Variants in EPHA6 observed in about 807,000 individuals in gnomAD.
The protein encoded by EPHA6 is EPH receptor A6.
In EPHA6, 50 loss-of-function variants were observed where a neutral mutation model predicts 112.0. The ratio of observed to expected loss-of-function variants is 0.45; its 90% CI spans 0.36 to 0.56. EPHA6 has a LOEUF of 0.56. EPHA6 is among the 20% of genes least tolerant of loss of function. The pLI, the probability that EPHA6 is intolerant of heterozygous loss-of-function variation, is 0.00. For missense variants in EPHA6, 1,280 were observed against 1,417.4 expected (o/e 0.90, Z 1.56); for synonymous variants, 529 against 490.7 (o/e 1.08, Z -1.03).
rs374566449 is a variant in EPHA6, at chr3:97,244,188, G to A, written c.1507G>A (p.Val503Met). The A allele has an allele frequency of 2.2e-5, 35 of 1,613,152 alleles. No homozygotes were observed. Among genetic ancestry groups the A allele is most frequent in the Middle Eastern group, 1.7e-4 (1 of 6,060 alleles). ...GATAGTACTTGACTTTGTGTCTCAC[G>A]TGAATTACACCTTTGAAATAGAAGC... ...SVIVLDFVSH[V>M]NYTFEIEAMN... is the part of the protein sequence containing the mutation. The change falls in exon 5 of 18, where the codon GTG becomes ATG. Residue 503 changes from valine (V) to methionine (M), a missense_variant. By Grantham distance (21) the Val-to-Met change is conservative. Around this residue, in one of 4 missense-constraint regions of EPHA6, gnomAD observed 878 missense variants for 999.7 expected, o/e 0.88. Coordinates refer to ENST00000389672, the MANE Select transcript of EPHA6 (RefSeq NM_001080448.3).
intron 10 of EPHA6, among the ~76,000 whole-genome samples, chr3:97,509,581 G>T (rs1163810017): frequency 6.6e-6 from 1 of 152,108 alleles, no homozygotes; most frequent in Admixed American, 6.5e-5. Flanking sequence ...GCTTCCCTTT[G>T]TGGGTAGCCC....
chr3:97,309,242 A>G (rs1329943210), intron 5 of EPHA6, among the ~76,000 whole-genome samples: 1 of 151,646 alleles, frequency 6.6e-6, no homozygotes, highest in African/African-American at 2.4e-5. Context: ...AATAACATTT[A>G]AAGTTATTTT....
At chr3:97,641,872 C>A (rs1294846833) in intron 14 of EPHA6, among the ~76,000 whole-genome samples, 1 of 151,834 alleles carries the variant, frequency 6.6e-6, no homozygotes, top group South Asian at 2.1e-4. Context: ...GAGGGGCGCC[C>A]GCCATTGCCC....
intron 1 of EPHA6, among the ~76,000 whole-genome samples, chr3:96,860,283 A>T (rs955504175): frequency 6.6e-6 from 1 of 152,114 alleles, no homozygotes. Flanking sequence ...AAGAAAAAAG[A>T]CTAAACTTTC....
At chr3:97,733,246 C>G (rs1440519098) in intron 15 of EPHA6, among the ~76,000 whole-genome samples, 2 of 152,026 alleles carry the variant, frequency 1.3e-5, no homozygotes, top group Non-Finnish European at 2.9e-5. Context: ...GAGGCAGAAG[C>G]CACAAGTCTT....
chr3:97,042,630 G>A (rs966995830), intron 3 of EPHA6, among the ~76,000 whole-genome samples: 6 of 151,926 alleles, frequency 3.9e-5, no homozygotes, highest in Non-Finnish European at 7.4e-5. Context: ...CTCGGTGCTC[G>A]CCTCCCTGTA....
At chr3:97,322,558 A>AT (rs893236820) in intron 5 of EPHA6, among the ~76,000 whole-genome samples, 1 of 152,042 alleles carries the variant, frequency 6.6e-6, no homozygotes, top group Non-Finnish European at 1.5e-5. Context: ...GCAATAATTG[A>AT]TTTTAAAGGA....
intron 5 of EPHA6, among the ~76,000 whole-genome samples, chr3:97,299,038 A>G (rs2080985702): frequency 6.6e-6 from 1 of 152,192 alleles, no homozygotes; most frequent in South Asian, 2.1e-4. Flanking sequence ...TTTTTAAAAC[A>G]CTGCCAGTTG....
At chr3:97,054,306 C>T (rs1449209452) in intron 3 of EPHA6, among the ~76,000 whole-genome samples, 1 of 152,020 alleles carries the variant, frequency 6.6e-6, no homozygotes, top group Non-Finnish European at 1.5e-5. Context: ...AAATAGGTTT[C>T]ATATTTGCTC....
At chr3:97,641,922 C>A (rs1378414195) in intron 14 of EPHA6, among the ~76,000 whole-genome samples, 10 of 151,022 alleles carry the variant, frequency 6.6e-5, no homozygotes, top group Non-Finnish European at 1.3e-4. Context: ...GAAGCTCGAA[C>A]TGGGTGGAGC....
chr3:97,437,115 A>G (rs890400511), intron 6 of EPHA6, among the ~76,000 whole-genome samples: 2 of 151,764 alleles, frequency 1.3e-5, no homozygotes, highest in Admixed American at 1.3e-4. Flanking sequence ...GTGGCCCAAG[A>G]CAGTTCTTCT....
chr3:97,747,504 G>T lies in EPHA6; in HGVS notation c.3210G>T (p.Gly1070=). 6.2e-7 allele frequency: 1 copy of T among 1,610,448 alleles called. No individual in the cohort carries two copies. The highest frequency in any genetic ancestry group is 1.7e-5 in the Admixed American group (1 of 59,626). ...ACTGGCTAGATTCTATAAAGATGGGGCAATACAAGAATAACTTCGTGGCAG... is the reference window on the plus strand; with the variant it reads ...ACTGGCTAGATTCTATAAAGATGGGTCAATACAAGAATAACTTCGTGGCAG... ...VGDWLDSIKM[G]QYKNNFVAAG... Residue 1070 remains glycine (G), a synonymous_variant, in exon 17 of 18, where the codon GGG becomes GGT. Transcript: ENST00000389672.
chr3:96,940,160 G>A (rs538672004), intron 2 of EPHA6, among the ~76,000 whole-genome samples: 30 of 152,228 alleles, frequency 2.0e-4, no homozygotes, highest in African/African-American at 6.7e-4. Context: ...GGGTATCCTT[G>A]TTTACTTTCT....
chr3:96,969,276 G>C (rs546358412), intron 2 of EPHA6, among the ~76,000 whole-genome samples: 1 of 151,830 alleles, frequency 6.6e-6, no homozygotes, highest in Non-Finnish European at 1.5e-5. Context: ...ATAACCAATT[G>C]TAATTTTATT....
chr3:97,645,342 A>T (rs177335), intron 14 of EPHA6, among the ~76,000 whole-genome samples: 1 of 146,420 alleles, frequency 6.8e-6, no homozygotes, highest in Non-Finnish European at 1.5e-5. Flanking sequence ...GCCATAAAAA[A>T]TGATGAGTTC....
intron 14 of EPHA6, among the ~76,000 whole-genome samples, chr3:97,687,435 T>A (rs1053581737): frequency 2.0e-5 from 3 of 152,184 alleles, no homozygotes; most frequent in Non-Finnish European, 4.4e-5. Flanking sequence ...AAGTTCAAAC[T>A]GGAAGCAAGG....
chr3:97,379,765 A>G (rs2085614860), intron 5 of EPHA6, among the ~76,000 whole-genome samples: 1 of 151,108 alleles, frequency 6.6e-6, no homozygotes, highest in African/African-American at 2.4e-5. Context: ...AAAAAAAAAA[A>G]AAAAAAAAAA....
intron 3 of EPHA6, among the ~76,000 whole-genome samples, chr3:97,157,871 G>A (rs1008300396): frequency 3.9e-5 from 6 of 152,030 alleles, no homozygotes; most frequent in African/African-American, 7.2e-5. Flanking sequence ...TTATCTCATC[G>A]AGAAACACGT....
At chr3:97,180,390 G>A (rs1177271262) in intron 3 of EPHA6, among the ~76,000 whole-genome samples, 1 of 152,040 alleles carries the variant, frequency 6.6e-6, no homozygotes, top group African/African-American at 2.4e-5. Context: ...CCATGGTCAT[G>A]CTGGTACCTA....
Sources: gnomAD v4.1 joint callset for allele counts (sites outside exome capture counted in the v4.1 genomes callset) on GRCh38, gnomAD v4.1.1 for gene constraint, gnomAD v4.1.1 regional missense constraint, MANE v1.5 for transcripts, NCBI Gene and HGNC (gene_info 2026-07-23, HGNC 2026-07-21) for gene names.